The following SLC39A8 variants were observed in gnomAD, a reference collection of about 807,000 sequenced individuals.
SLC39A8 encodes metal cation symporter ZIP8.
In SLC39A8, 15 loss-of-function variants were observed where a neutral mutation model predicts 40.4. That is an observed-to-expected ratio of 0.37 (90% CI 0.25 to 0.57). SLC39A8 has a LOEUF of 0.57. Among genes scored for constraint, SLC39A8 ranks in the 20% least tolerant of loss-of-function variants. The pLI is 0.75. For synonymous variants in SLC39A8, 223 were observed against 221.6 expected, an observed-to-expected ratio of 1.01 and a Z score of -0.06; for missense variants, 472 against 558.8, an observed-to-expected ratio of 0.84 and a Z score of 1.57.
chr4:102,252,046 A>G (rs1731604300), exon 12 of SLC39A8: 1 of 152,286 alleles, frequency 6.6e-6, no homozygotes, highest in Non-Finnish European at 1.5e-5. Flanking sequence ...GTTTAACTCT[A>G]CCATAAGTAA....
chr4:102,289,709 G>A (rs892047648), intron 6 of SLC39A8, among the ~76,000 whole-genome samples: 4 of 152,128 alleles, frequency 2.6e-5, no homozygotes, highest in Non-Finnish European at 5.9e-5. Flanking sequence ...CACGGTAGGT[G>A]TACGGGAAAT....
intron 6 of SLC39A8, among the ~76,000 whole-genome samples, chr4:102,275,536 G>A (rs1465915401): frequency 6.6e-6 from 1 of 152,108 alleles, no homozygotes; most frequent in African/African-American, 2.4e-5. Flanking sequence ...ATAATAGTGG[G>A]AGAATTTACC....
Position 102,315,782 on chromosome 4 carries a change from T to C in SLC39A8, c.268A>G (p.Thr90Ala), listed in dbSNP as rs774912879. Reference protein sequence around the residue: ...IFSLHGFSNATQITSSKFSVI... With the variant: ...IFSLHGFSNAAQITSSKFSVI... ...GAGAATTTGGAGCTGGTTATTTGGG[T>C]AGCATTTGAAAAGCCATGAAGGGAA... The change falls in exon 3 of 9, where the codon ACC becomes GCC. Residue 90 changes from threonine (T) to alanine (A), a missense_variant. By Grantham distance (58) the Thr-to-Ala change is moderately conservative (BLOSUM62 0). Transcript: ENST00000356736. The C allele has an allele frequency of 1.9e-6, 3 of 1,613,038 alleles. No individual in the cohort carries two copies. Among genetic ancestry groups the C allele is most frequent in the Non-Finnish European group, 2.5e-6 (3 of 1,179,514 alleles).
At chr4:102,288,127 G>A (rs1733263893) in intron 6 of SLC39A8, among the ~76,000 whole-genome samples, 2 of 152,032 alleles carry the variant, frequency 1.3e-5, no homozygotes, top group Non-Finnish European at 2.9e-5. Flanking sequence ...ACCCTGCATT[G>A]AGCAAGTCTA....
At chr4:102,263,630 A>G (rs912543966) in intron 8 of SLC39A8, among the ~76,000 whole-genome samples, 1 of 152,180 alleles carries the variant, frequency 6.6e-6, no homozygotes, top group Non-Finnish European at 1.5e-5. Flanking sequence ...CATTTGCAAC[A>G]TCAATTTATT....
intron 6 of SLC39A8, among the ~76,000 whole-genome samples, chr4:102,276,575 A>G (rs1732628927): frequency 1.3e-5 from 2 of 152,248 alleles, no homozygotes; most frequent in Admixed American, 1.3e-4. Flanking sequence ...AGAAGCTGGT[A>G]CCATTCCTTC....
At chr4:102,294,571 G>C (rs1733600182) in intron 6 of SLC39A8, among the ~76,000 whole-genome samples, 4 of 151,992 alleles carry the variant, frequency 2.6e-5, no homozygotes, top group Admixed American at 2.6e-4. Context: ...AATATTCCAT[G>C]CATTCTTCCC....
chr4:102,314,060 AC>A (rs1734554746), intron 3 of SLC39A8, among the ~76,000 whole-genome samples: 1 of 151,698 alleles, frequency 6.6e-6, no homozygotes, highest in Non-Finnish European at 1.5e-5. Context: ...CTTTATCCTC[AC>A]CACTCCCTTC....
chr4:102,296,058 G>C (rs1048072150), intron 6 of SLC39A8, among the ~76,000 whole-genome samples: 1 of 152,100 alleles, frequency 6.6e-6, no homozygotes, highest in Non-Finnish European at 1.5e-5. Context: ...TTAAGAGAGA[G>C]TAAATGTTCC....
At chr4:102,315,640 TA>T in intron 3 of SLC39A8, 27 bp downstream of exon 3, 2 of 1,569,208 alleles carry the variant, frequency 1.3e-6, no homozygotes, top group Non-Finnish European at 1.7e-6. Flanking sequence ...ACTTTTCAAA[TA>T]AAAGAGAAAA....
chr4:102,307,526 C>T lies in SLC39A8; in HGVS notation c.462G>A (p.Lys154=). 2.5e-6 allele frequency: 4 copies of T among 1,613,444 alleles called. No homozygotes were observed. The highest frequency in any genetic ancestry group is 1.7e-5 in the Admixed American group (1 of 59,938). Reference sequence around the variant, plus strand: ...TCAAAATCTTTGGGAAATAAGATTTCTTTATCAGTGGAGTCAAAATCAATC... The same window carrying T: ...TCAAAATCTTTGGGAAATAAGATTTTTTTATCAGTGGAGTCAAAATCAATC... The part of the protein sequence containing the change: ...LLGLILTPLI[K]KSYFPKILTF... Residue 154 remains lysine, a synonymous_variant, in exon 4 of 9, where the codon AAG becomes AAA. Transcript: ENST00000356736.
chr4:102,273,285 C>G (rs1350209926), intron 6 of SLC39A8, among the ~76,000 whole-genome samples: 1 of 152,166 alleles, frequency 6.6e-6, no homozygotes, highest in African/African-American at 2.4e-5. Flanking sequence ...ATTACTGAGG[C>G]TTGAGTAGGC....
intron 6 of SLC39A8, among the ~76,000 whole-genome samples, chr4:102,286,431 A>G (rs896746337): frequency 4.6e-5 from 7 of 152,192 alleles, no homozygotes; most frequent in Admixed American, 6.6e-5. Flanking sequence ...CTAAATAGGG[A>G]TAAGTCCTGC....
At chr4:102,255,620 G>T (rs1731690723) in intron 11 of SLC39A8, among the ~76,000 whole-genome samples, 1 of 152,138 alleles carries the variant, frequency 6.6e-6, no homozygotes, top group Non-Finnish European at 1.5e-5. Flanking sequence ...AAATGGGTGA[G>T]GTTAAGTGCA....
intron 6 of SLC39A8, among the ~76,000 whole-genome samples, chr4:102,298,522 TA>T (rs2149029141): frequency 6.6e-6 from 1 of 152,208 alleles, no homozygotes; most frequent in African/African-American, 2.4e-5. Context: ...ATTGTTATTA[TA>T]GGGGAAATTA....
chr4:102,308,204 TCA>T (rs1734275973), intron 3 of SLC39A8, among the ~76,000 whole-genome samples: 1 of 151,926 alleles, frequency 6.6e-6, no homozygotes, highest in Non-Finnish European at 1.5e-5. Context: ...CTCCTGGGAA[TCA>T]AAGTCAGTCT....
At chr4:102,320,382 ATATATATATGAG>A (rs1450330724) in intron 2 of SLC39A8, among the ~76,000 whole-genome samples, 2 of 92,638 alleles carry the variant, frequency 2.2e-5, no homozygotes, top group East Asian at 2.6e-4. Context: ...ATATATGAGA[ATATATATATGAG>A]TATATATATA....
At chr4:102,287,632 A>G (rs1269988007) in intron 6 of SLC39A8, among the ~76,000 whole-genome samples, 1 of 152,128 alleles carries the variant, frequency 6.6e-6, no homozygotes, top group Non-Finnish European at 1.5e-5. Flanking sequence ...TCATCACACT[A>G]CACAATAACT....
At chr4:102,344,373 A>G (rs1736067369) in intron 2 of SLC39A8, 71 bp downstream of exon 2, 1 of 1,079,504 alleles carries the variant, frequency 9.3e-7, no homozygotes, top group South Asian at 1.9e-5. Context: ...CCAAATAAAA[A>G]CGGCTCATAT....
Sources: allele counts gnomAD v4.1 joint callset (sites outside exome capture counted in the v4.1 genomes callset), GRCh38; gene constraint gnomAD v4.1.1; transcripts MANE v1.5; gene names NCBI Gene and HGNC (gene_info 2026-07-23, HGNC 2026-07-21).